CFAP43: variants seen among roughly 807,000 people sequenced by gnomAD.
The protein encoded by CFAP43 is cilia- and flagella-associated protein 43.
CFAP43 carries 155 observed loss-of-function variants against 218.9 expected under a neutral mutation model. That is an observed-to-expected ratio of 0.71 (90% confidence interval 0.62 to 0.81). The LOEUF (loss-of-function observed/expected upper bound fraction) is 0.81, where lower values mean the gene tolerates loss of function less well. CFAP43 is among the 30% of genes least tolerant of loss of function. The probability of loss-of-function intolerance (pLI) is 0.00; values close to 1 mark genes in which losing one functional copy is unlikely to be tolerated. For synonymous variants in CFAP43, 645 were observed against 681.3 expected, an observed-to-expected ratio of 0.95 and a Z score of 0.83; for missense variants, 1,778 against 1,954.3, an observed-to-expected ratio of 0.91 and a Z score of 1.70.
intron 9 of CFAP43, among the ~76,000 whole-genome samples, chr10:104,197,440 T>A (rs531722510): frequency 1.3e-5 from 2 of 152,214 alleles, no homozygotes; most frequent in Non-Finnish European, 2.9e-5. Context: ...AATATTGACA[T>A]ATTATTATTG....
chr10:104,212,722 C>A (rs1490496548), intron 4 of CFAP43, among the ~76,000 whole-genome samples: 1 of 152,122 alleles, frequency 6.6e-6, no homozygotes, highest in Non-Finnish European at 1.5e-5. Context: ...AGTTCATTTT[C>A]AAATTTATCA....
At chr10:104,180,651 T>G (rs1463860664) in intron 17 of CFAP43, among the ~76,000 whole-genome samples, 2 of 152,066 alleles carry the variant, frequency 1.3e-5, no homozygotes, top group Non-Finnish European at 2.9e-5. Flanking sequence ...TTCACCATGT[T>G]AGCCAGGATG....
intron 19 of CFAP43, among the ~76,000 whole-genome samples, chr10:104,173,780 C>A (rs758871479): frequency 1.1e-4 from 17 of 152,212 alleles, no homozygotes; most frequent in Non-Finnish European, 2.4e-4. Context: ...CCAAAGCAGA[C>A]TGACCTGGTG....
intron 19 of CFAP43, among the ~76,000 whole-genome samples, chr10:104,173,275 T>C (rs2089483112): frequency 6.6e-6 from 1 of 152,104 alleles, no homozygotes; most frequent in Non-Finnish European, 1.5e-5. Flanking sequence ...GATAAACCCA[T>C]TACTACAATG....
At chr10:104,180,251 A>G (rs1045307256) in intron 17 of CFAP43, among the ~76,000 whole-genome samples, 2 of 152,152 alleles carry the variant, frequency 1.3e-5, no homozygotes, top group Non-Finnish European at 2.9e-5. Flanking sequence ...ATCTATGCTT[A>G]GGATCTTTTT....
chr10:104,229,735 T>C (rs1204955775), intron 2 of CFAP43, among the ~76,000 whole-genome samples: 1 of 152,146 alleles, frequency 6.6e-6, no homozygotes, highest in African/African-American at 2.4e-5. Flanking sequence ...TACATACACA[T>C]ACAGCATATT....
At chr10:104,186,494 A>G (rs10883977) in intron 14 of CFAP43, among the ~76,000 whole-genome samples, 34,691 of 151,974 alleles carry the variant, frequency 0.23, 4,228 homozygotes, top group Middle Eastern at 0.32. Flanking sequence ...TCCTACCTCC[A>G]AGCCTCTGCA....
chr10:104,167,461 C>T (rs2089213491), intron 22 of CFAP43, 160 bp downstream of exon 22: 2 of 474,644 alleles, frequency 4.2e-6, no homozygotes, highest in East Asian at 3.5e-5. Flanking sequence ...GATATAGGCT[C>T]CTATAGTTAT....
chr10:104,147,969 A>C lies in CFAP43; in HGVS notation c.3690T>G (p.Phe1230Leu), dbSNP rs1002704827. Residue 1230 changes from phenylalanine to leucine, a missense_variant, in exon 29 of 38, where the codon TTT becomes TTG. Physicochemically the swap from Phe to Leu is conservative, Grantham distance 22 (BLOSUM62 0). Transcript: ENST00000357060. ...TTAATTCTTCATCCAACAATAAAGA[A>C]AATGCAAGGTTACTTATTTTCAGTT... is the stretch of plus-strand genomic sequence containing the variant. Reference protein sequence around the residue: ...QEELKISNLAFSLLLDEELSS... With the variant: ...QEELKISNLALSLLLDEELSS... The C allele has an allele frequency of 6.9e-6, 11 of 1,594,914 alleles. No individual in the cohort carries two copies. Among genetic ancestry groups the C allele is most frequent in the Non-Finnish European group, 8.5e-6 (10 of 1,169,872 alleles).
intron 3 of CFAP43, chr10:104,218,985 G>A: frequency 5.1e-6 from 2 of 389,910 alleles, no homozygotes; most frequent in Admixed American, 4.1e-5. Context: ...AACACATGTT[G>A]GTGATTTGGG....
chr10:104,225,646 T>A, intron 2 of CFAP43, 89 bp from the exon 3 acceptor site: 1 of 1,077,002 alleles, frequency 9.3e-7, no homozygotes, highest in Non-Finnish European at 1.3e-6. Context: ...CCTTTGCTAA[T>A]GATTTTCACG....
chr10:104,157,479 C>CATT (rs1317384879), intron 27 of CFAP43, among the ~76,000 whole-genome samples: 2 of 152,002 alleles, frequency 1.3e-5, no homozygotes, highest in African/African-American at 4.8e-5. Flanking sequence ...ACCAAAGGGG[C>CATT]TCAGCGTCTA....
In CFAP43 at chr10:104,132,174, T is replaced by C. The variant is rs75941862; in HGVS notation, c.4619A>G (p.Glu1540Gly). The change falls in exon 36 of 38, where the codon GAG becomes GGG. Residue 1540 changes from glutamate to glycine, a missense_variant. Coordinates refer to ENST00000357060, the MANE Select transcript of CFAP43 (RefSeq NM_025145.7). ...RQKYLNEPNY[E>G]ALISIQIGIM... is the part of the protein sequence containing the mutation. Reference sequence around the variant, plus strand: ...TCCAATCTGAATACTAATCAGAGCCTCATAGTTTGGTTCATTTAGGTACTT... The same window carrying C: ...TCCAATCTGAATACTAATCAGAGCCCCATAGTTTGGTTCATTTAGGTACTT... 8.5e-4 allele frequency: 1,355 copies of C among 1,603,460 alleles called. 9 individuals are homozygous for C. The African/African-American group carries it at 0.016, about 19-fold the overall frequency.
intron 25 of CFAP43, 71 bp downstream of exon 25, chr10:104,162,246 A>G: frequency 6.8e-7 from 1 of 1,480,350 alleles, no homozygotes; most frequent in Non-Finnish European, 9.4e-7. Flanking sequence ...ATGGGTTATT[A>G]AACCAAACTA....
chr10:104,166,151 G>A lies in CFAP43; in HGVS notation c.3039+337C>T, dbSNP rs147076060. On this transcript the variant is annotated intron_variant, in intron 23 of 37. Transcript: ENST00000357060. Reference sequence around the variant, plus strand: ...CTCACTGGCATGATCTCGGCTCACTGCAACCTCCACCTCCCCAGTTCAAGC... The same window carrying A: ...CTCACTGGCATGATCTCGGCTCACTACAACCTCCACCTCCCCAGTTCAAGC... Among the ~76,000 whole-genome samples, 238 of 152,244 alleles carry A rather than the reference G, an allele frequency of 1.6e-3. 2 individuals carry two copies. The highest frequency in any genetic ancestry group is 3.0e-3 in the Non-Finnish European group (206 of 68,022).
chr10:104,132,853 A>G (rs2087261113), intron 35 of CFAP43: 1 of 924,416 alleles, frequency 1.1e-6, no homozygotes, highest in Non-Finnish European at 1.3e-6. Flanking sequence ...ACAAAGATAG[A>G]TAACATGTCC....
intron 3 of CFAP43, 35 bp from the exon 4 acceptor site, chr10:104,214,461 C>A: frequency 6.7e-7 from 1 of 1,503,544 alleles, no homozygotes; most frequent in Non-Finnish European, 8.9e-7. Context: ...AAAAAAAGTT[C>A]ATTTGAATTT....
intron 19 of CFAP43, among the ~76,000 whole-genome samples, chr10:104,176,372 A>G (rs1221329393): frequency 6.6e-6 from 1 of 152,246 alleles, no homozygotes; most frequent in Non-Finnish European, 1.5e-5. Context: ...TTAGAAGAAA[A>G]TATGTGTGAC....
At chr10:104,158,398 G>C (rs1190013317) in intron 27 of CFAP43, among the ~76,000 whole-genome samples, 6 of 152,126 alleles carry the variant, frequency 3.9e-5, no homozygotes, top group African/African-American at 1.4e-4. Flanking sequence ...GGAACCTCCT[G>C]ATACGATGCA....
Sources: gnomAD v4.1 joint callset for allele counts (sites outside exome capture counted in the v4.1 genomes callset) on GRCh38, gnomAD v4.1.1 for gene constraint, MANE v1.5 for transcripts, NCBI Gene and HGNC (gene_info 2026-07-23, HGNC 2026-07-21) for gene names.